Variants in FMN2 observed in about 807,000 individuals in gnomAD.
The protein encoded by FMN2 is formin-2.
Under a neutral mutation model 142.3 loss-of-function variants are expected in FMN2, and 51 were observed. The ratio of observed to expected loss-of-function variants is 0.36; its 90% CI spans 0.29 to 0.45. The LOEUF (loss-of-function observed/expected upper bound fraction) is 0.45. Ranked by LOEUF, FMN2 falls within the 20% of genes least tolerant of loss-of-function variation. The probability of loss-of-function intolerance (pLI) is 1.00; values close to 1 mark genes in which losing one functional copy is unlikely to be tolerated. For synonymous variants in FMN2, 882 were observed against 869.8 expected (o/e 1.01, Z -0.25); for missense variants, 1,936 against 2,122.8 (o/e 0.91, Z 1.73).
intron 1 of FMN2, among the ~76,000 whole-genome samples, chr1:240,114,493 C>G (rs1029295945): frequency 3.3e-5 from 5 of 152,140 alleles, no homozygotes; most frequent in Admixed American, 3.3e-4. Flanking sequence ...TGTCCTGAAG[C>G]TGTGAATGAT....
intron 3 of FMN2, among the ~76,000 whole-genome samples, chr1:240,187,528 C>A (rs1241696401): frequency 1.3e-5 from 2 of 151,980 alleles, no homozygotes; most frequent in Admixed American, 6.6e-5. Flanking sequence ...TCCTTGAAGG[C>A]CCTTTCATTT....
chr1:240,101,185 A>G (rs1341835095), intron 1 of FMN2, among the ~76,000 whole-genome samples: 1 of 152,200 alleles, frequency 6.6e-6, no homozygotes, highest in East Asian at 1.9e-4. Flanking sequence ...CTGGCTTCCC[A>G]GATTGGAAGA....
chr1:240,143,273 C>T (rs1194810113), intron 2 of FMN2: 9 of 1,554,726 alleles, frequency 5.8e-6, no homozygotes, highest in African/African-American at 2.7e-5. Context: ...TTAGGGTATC[C>T]AGGATGTTGA....
chr1:240,333,829 A>G, intron 11 of FMN2, 58 bp from the exon 12 acceptor site: 3 of 1,328,338 alleles, frequency 2.3e-6, no homozygotes, highest in South Asian at 2.8e-5. Flanking sequence ...TTTTGGTAAC[A>G]CTTTATATTT....
intron 2 of FMN2, among the ~76,000 whole-genome samples, chr1:240,141,057 A>G (rs1005722193): frequency 6.6e-5 from 10 of 152,342 alleles, no homozygotes; most frequent in Non-Finnish European, 8.8e-5. Context: ...TTCATTTACA[A>G]CAGAGTCTAA....
intron 8 of FMN2, among the ~76,000 whole-genome samples, chr1:240,311,810 A>G (rs10926211): frequency 0.34 from 52,095 of 151,988 alleles, 9,653 homozygotes; most frequent in Admixed American, 0.51. Flanking sequence ...TTGTTCTTAT[A>G]TGTCGTTCCT....
intron 15 of FMN2, among the ~76,000 whole-genome samples, chr1:240,429,477 G>A (rs77005935): frequency 0.033 from 5,069 of 151,936 alleles, 267 homozygotes; most frequent in African/African-American, 0.12. Context: ...TAGTTGAGGC[G>A]TAATTTGTAA....
At chr1:240,396,916 C>T (rs1312316997) in intron 15 of FMN2, among the ~76,000 whole-genome samples, 3 of 152,068 alleles carry the variant, frequency 2.0e-5, no homozygotes, top group Non-Finnish European at 4.4e-5. Flanking sequence ...GATGAACATA[C>T]GAGTGTGTGT....
At chr1:240,213,404 C>A (rs1160118662) in intron 6 of FMN2, among the ~76,000 whole-genome samples, 1 of 152,042 alleles carries the variant, frequency 6.6e-6, no homozygotes, top group African/African-American at 2.4e-5. Context: ...TTTGGAGGGA[C>A]AAAAGATTTT....
chr1:240,328,682 C>T (rs929504229), intron 8 of FMN2, among the ~76,000 whole-genome samples: 2 of 151,968 alleles, frequency 1.3e-5, no homozygotes, highest in Non-Finnish European at 2.9e-5. Flanking sequence ...CTCCTCCTCC[C>T]AGGTTCAGGT....
intron 2 of FMN2, among the ~76,000 whole-genome samples, chr1:240,152,025 C>T (rs995938358): frequency 6.6e-6 from 1 of 152,110 alleles, no homozygotes; most frequent in Non-Finnish European, 1.5e-5. Context: ...CTTCAGCTGG[C>T]CTCCCAAAGT....
rs112851147 is a variant in FMN2 at position 240,261,244 on chromosome 1, C to T, written c.4153+3212C>T. ...TTCTTTGGCTATGTGGCATTTTTAT[C>T]GATAGGCAAAATAAGACCTGTGAGT... On this transcript the variant is annotated intron_variant, in intron 7 of 17. Coordinates refer to ENST00000319653, the MANE Select transcript of FMN2 (RefSeq NM_020066.5). Among the ~76,000 whole-genome samples, 847 of 151,922 alleles carry T rather than the reference C, an allele frequency of 5.6e-3. 9 individuals carry two copies. The highest frequency in any genetic ancestry group is 0.02 in the African/African-American group (811 of 41,442).
At chr1:240,422,592 T>C (rs186643578) in intron 15 of FMN2, among the ~76,000 whole-genome samples, 45 of 152,324 alleles carry the variant, frequency 3.0e-4, no homozygotes, top group Non-Finnish European at 5.9e-5. Context: ...GTATATTGAC[T>C]TGTGTCCTGC....
chr1:240,313,763 T>C (rs892324558), intron 8 of FMN2, among the ~76,000 whole-genome samples: 1 of 151,730 alleles, frequency 6.6e-6, no homozygotes, highest in African/African-American at 2.4e-5. Flanking sequence ...AGGTCAGGAG[T>C]TCGAAACCAG....
intron 16 of FMN2, among the ~76,000 whole-genome samples, chr1:240,451,805 A>G (rs746901005): frequency 5.3e-5 from 8 of 152,110 alleles, no homozygotes; most frequent in South Asian, 2.1e-4. Flanking sequence ...AACAGATAGT[A>G]TCTGTCATTA....
chr1:240,340,235 TCCTCCCC>T (rs1671701013), intron 13 of FMN2, among the ~76,000 whole-genome samples: 1 of 152,154 alleles, frequency 6.6e-6, no homozygotes. Flanking sequence ...CATCTTATAT[TCCTCCCC>T]CCTCCACATT....
At chr1:240,328,385 A>G (rs905670527) in intron 8 of FMN2, among the ~76,000 whole-genome samples, 1 of 151,652 alleles carries the variant, frequency 6.6e-6, no homozygotes, top group Non-Finnish European at 1.5e-5. Context: ...ACTACTTTAT[A>G]AAATGAAATG....
At chr1:240,168,352 C>G (rs1292896908) in intron 2 of FMN2, among the ~76,000 whole-genome samples, 1 of 152,100 alleles carries the variant, frequency 6.6e-6, no homozygotes, top group African/African-American at 2.4e-5. Context: ...TTTTGGGAGG[C>G]TGAGGTGGAG....
At chr1:240,460,198 G>A (rs1008310440) in intron 16 of FMN2, among the ~76,000 whole-genome samples, 4 of 152,128 alleles carry the variant, frequency 2.6e-5, no homozygotes, top group Non-Finnish European at 5.9e-5. Context: ...TTATTCAATA[G>A]AACTTCTCCT....
Sources: gnomAD v4.1 joint callset for allele counts (sites outside exome capture counted in the v4.1 genomes callset) on GRCh38, gnomAD v4.1.1 for gene constraint, MANE v1.5 for transcripts, NCBI Gene and HGNC (gene_info 2026-07-23, HGNC 2026-07-21) for gene names.